BCAS3: variants seen among roughly 807,000 people sequenced by gnomAD.
The protein encoded by BCAS3 is BCAS4/BCAS3 fusion.
Under a neutral mutation model 116.1 loss-of-function variants are expected in BCAS3, and 53 were observed. That is an observed-to-expected ratio of 0.46 (90% CI 0.37 to 0.57). The LOEUF (loss-of-function observed/expected upper bound fraction) is 0.57, where lower values mean the gene tolerates loss of function less well. Ranked by LOEUF, BCAS3 falls within the 20% of genes least tolerant of loss-of-function variation. The pLI is 0.00. For synonymous variants in BCAS3, 391 were observed against 408.2 expected (o/e 0.96, Z 0.51); for missense variants, 917 against 1,165.4 (o/e 0.79, Z 3.10).
Position 61,239,301 on chromosome 17 carries a change from G to C in BCAS3, c.2426-129026G>C, listed in dbSNP as rs2083293786. 6.6e-6 allele frequency among the ~76,000 whole-genome samples: 1 copy of C among 152,202 alleles called. No homozygotes were observed. Among genetic ancestry groups the C allele is most frequent in the African/African-American group, 2.4e-5 (1 of 41,460 alleles). On this transcript the variant is annotated intron_variant, in intron 22 of 23. Coordinates refer to ENST00000407086, the MANE Select transcript of BCAS3 (RefSeq NM_017679.5). The surrounding 1 kb of genome is among the most constrained non-coding windows in gnomAD (Gnocchi z 4.2). ...AGAGAAGATCTTAGTTTTTATAGCA[G>C]TACCATCAAAGATAGTTATATATCC...
chr17:60,882,838 AC>A (rs2144959750), intron 9 of BCAS3, among the ~76,000 whole-genome samples: 1 of 142,628 alleles, frequency 7.0e-6, no homozygotes, highest in South Asian at 2.2e-4. Flanking sequence ...TGTTTTGGTT[AC>A]TGTAGCCTTG....
At chr17:61,099,593 C>T (rs2074196604) in intron 22 of BCAS3, among the ~76,000 whole-genome samples, 1 of 152,142 alleles carries the variant, frequency 6.6e-6, no homozygotes, top group Non-Finnish European at 1.5e-5. Context: ...TTATGTTATG[C>T]TTTTAAAGCA....
intron 15 of BCAS3, among the ~76,000 whole-genome samples, chr17:61,010,661 T>C (rs1445300011): frequency 6.6e-6 from 1 of 151,970 alleles, no homozygotes; most frequent in Non-Finnish European, 1.5e-5. Context: ...GCTTTAAACA[T>C]CAAGGGATGT....
chr17:60,820,756 A>G (rs2049890224), intron 7 of BCAS3, among the ~76,000 whole-genome samples: 1 of 152,170 alleles, frequency 6.6e-6, no homozygotes. Context: ...GGAGAAAAGA[A>G]CAAAATGGAC....
chr17:60,854,503 A>G (rs182764683), intron 7 of BCAS3, among the ~76,000 whole-genome samples: 12 of 151,224 alleles, frequency 7.9e-5, no homozygotes, highest in Admixed American at 6.6e-4. Flanking sequence ...GAACTACAAG[A>G]AAAAAACAAC....
rs573504779 is a variant in BCAS3 at position 60,960,024 on chromosome 17, G to A, written c.1221+12672G>A. Among the ~76,000 whole-genome samples the A allele has an allele frequency of 1.2e-3, 178 of 152,088 alleles. No homozygotes were observed. Among genetic ancestry groups the A allele is most frequent in the Middle Eastern group, 3.4e-3 (1 of 290 alleles). ...TTAAGTACCAACCTGGATAACCCAG[G>A]GATAAGCCCCTTCTCTTAGGATTTA... On this transcript the variant is annotated intron_variant, in intron 14 of 23. Transcript: ENST00000407086. The surrounding 1 kb of genome is among the most constrained non-coding windows in gnomAD (Gnocchi z 4.1).
At chr17:60,876,662 C>T (rs1279804816) in intron 9 of BCAS3, among the ~76,000 whole-genome samples, 1 of 152,028 alleles carries the variant, frequency 6.6e-6, no homozygotes, top group Non-Finnish European at 1.5e-5. Flanking sequence ...TCTTAATTTC[C>T]CATATTTATT....
chr17:61,391,796 G>T lies in BCAS3; in HGVS notation c.2594-181G>T. 4.6e-6 allele frequency: 3 copies of T among 655,488 alleles called. No individual in the cohort carries two copies. Among genetic ancestry groups the T allele is most frequent in the Non-Finnish European group, 2.6e-6 (1 of 378,538 alleles). The allele number at this position is 655,488 out of a possible 1,614,324, so 40.6% of individuals were successfully genotyped here. On this transcript the variant is annotated intron_variant, in intron 23 of 23. Transcript: ENST00000407086. The surrounding 1 kb of genome is among the most constrained non-coding windows in gnomAD (Gnocchi z 7.7). ...CAGCCAGGGGGCTTTCCCTCCCCTG[G>T]CTGAGCCTTCCTGTGACCTGAGCTG...
At chr17:60,681,812 C>G (rs1207040759) in intron 2 of BCAS3, among the ~76,000 whole-genome samples, 1 of 152,122 alleles carries the variant, frequency 6.6e-6, no homozygotes, top group Non-Finnish European at 1.5e-5. Context: ...TCACCGCAAC[C>G]TCCGCCTCCT....
In BCAS3 at chr17:61,380,595, T is replaced by A; in HGVS notation, c.2594-11382T>A. The A allele has an allele frequency of 6.3e-7, 1 of 1,591,288 alleles. No homozygotes were observed. The highest frequency in any genetic ancestry group is 8.5e-7 in the Non-Finnish European group (1 of 1,173,648). Reference sequence around the variant, plus strand: ...TGGTATGTAACGTCCTATCTTTGCCTATGTGGAAGGGGTTGTCCCGTTGCT... The same window carrying A: ...TGGTATGTAACGTCCTATCTTTGCCAATGTGGAAGGGGTTGTCCCGTTGCT... On this transcript the variant is annotated intron_variant, in intron 23 of 23. Transcript: ENST00000407086. This position sits in a 1 kb window ranked among gnomAD's most constrained non-coding sequence, Gnocchi z 4.2.
intron 14 of BCAS3, among the ~76,000 whole-genome samples, chr17:60,965,263 C>G (rs1376749569): frequency 1.4e-5 from 2 of 145,892 alleles, no homozygotes; most frequent in Non-Finnish European, 3.0e-5. Context: ...GAGTCTCACT[C>G]CAGGCTGGAG....
chr17:61,093,259 T>G (rs2073744535), intron 22 of BCAS3, among the ~76,000 whole-genome samples: 1 of 152,118 alleles, frequency 6.6e-6, no homozygotes, highest in African/African-American at 2.4e-5. Flanking sequence ...AGTTTAAGCC[T>G]TCACATTTAG....
In BCAS3 at chr17:61,216,134, G is replaced by C. The variant is rs149866928; in HGVS notation, c.2425+131570G>C. Among the ~76,000 whole-genome samples, 164 of 152,266 alleles carry C rather than the reference G, an allele frequency of 1.1e-3. 1 individual carries two copies. Among genetic ancestry groups the C allele is most frequent in the African/African-American group, 3.6e-3 (151 of 41,542 alleles). On this transcript the variant is annotated intron_variant, in intron 22 of 23. Transcript: ENST00000407086. ...CCTTTGGAGAGATAGCACTGTTTCA[G>C]ATTAGGGGGCACAATGTGAATTTTC...
rs148484833 is a variant in BCAS3 at position 61,337,361 on chromosome 17, G to A, written c.2426-30966G>A. 2.0e-5 allele frequency among the ~76,000 whole-genome samples: 3 copies of A among 152,258 alleles called. No individual in the cohort carries two copies. The highest frequency in any genetic ancestry group is 1.9e-4 in the East Asian group (1 of 5,180). On this transcript the variant is annotated intron_variant, in intron 22 of 23. Transcript: ENST00000407086. The surrounding 1 kb of genome is among the most constrained non-coding windows in gnomAD (Gnocchi z 4.8). ...GTTCTCCCAGGTCAGTGCTGCTTCC[G>A]TTGTAAATAAACCATTAGCTGGGGG...
chr17:60,928,420 C>T (rs2059474076), intron 13 of BCAS3, among the ~76,000 whole-genome samples: 1 of 152,094 alleles, frequency 6.6e-6, no homozygotes, highest in African/African-American at 2.4e-5. Flanking sequence ...ATAGTGGACT[C>T]ATTAGTTTGT....
intron 22 of BCAS3, among the ~76,000 whole-genome samples, chr17:61,275,562 C>T (rs2050696840): frequency 6.6e-6 from 1 of 152,140 alleles, no homozygotes; most frequent in South Asian, 2.1e-4. Flanking sequence ...AGTGCAGTGG[C>T]ACAATCACAG....
At chr17:60,920,985 G>C (rs1388464279) in intron 12 of BCAS3, among the ~76,000 whole-genome samples, 2 of 152,166 alleles carry the variant, frequency 1.3e-5, no homozygotes, top group Non-Finnish European at 2.9e-5. Context: ...ATCTGAATTA[G>C]TTCAGCCACT....
At chr17:61,303,475 GC>G (rs1431583854) in intron 22 of BCAS3, among the ~76,000 whole-genome samples, 1 of 152,132 alleles carries the variant, frequency 6.6e-6, no homozygotes, top group African/African-American at 2.4e-5. Context: ...CAGCTCCATC[GC>G]CACTCAGCTT....
At chr17:60,691,560 T>C (rs922669297) in intron 4 of BCAS3, among the ~76,000 whole-genome samples, 2 of 152,202 alleles carry the variant, frequency 1.3e-5, no homozygotes, top group African/African-American at 4.8e-5. Flanking sequence ...TGGCTCTTCA[T>C]GTCCATTGCC....
Sources: allele counts gnomAD v4.1 joint callset (sites outside exome capture counted in the v4.1 genomes callset), GRCh38; gene constraint gnomAD v4.1.1; non-coding constraint Gnocchi (gnomAD v3.1); transcripts MANE v1.5; gene names NCBI Gene and HGNC (gene_info 2026-07-23, HGNC 2026-07-21).